ADCY8: variants seen among roughly 807,000 people sequenced by gnomAD.
The protein encoded by ADCY8 is adenylate cyclase 8.
In ADCY8, 51 loss-of-function variants were observed where a neutral mutation model predicts 119.7. That is an observed-to-expected ratio of 0.43 (90% CI 0.34 to 0.54). The LOEUF is 0.54. ADCY8 is among the 20% of genes least tolerant of loss of function. The probability of loss-of-function intolerance (pLI) is 0.03; values close to 1 mark genes in which losing one functional copy is unlikely to be tolerated. For synonymous variants in ADCY8, 665 were observed against 651.0 expected, an observed-to-expected ratio of 1.02 and a Z score of -0.33; for missense variants, 1,383 against 1,598.8, an observed-to-expected ratio of 0.87 and a Z score of 2.30.
At chr8:130,983,088 C>T (rs1379115667) in intron 2 of ADCY8, among the ~76,000 whole-genome samples, 1 of 152,076 alleles carries the variant, frequency 6.6e-6, no homozygotes, top group Non-Finnish European at 1.5e-5. Flanking sequence ...AGTTTCCTGG[C>T]AGGACATAGC....
chr8:130,913,114 T>C (rs1820028805), intron 5 of ADCY8, among the ~76,000 whole-genome samples: 2 of 152,178 alleles, frequency 1.3e-5, no homozygotes, highest in Admixed American at 6.5e-5. Context: ...TGAGGTGTTT[T>C]GAGGCATGCA....
chr8:130,848,771 C>G (rs1264722624), intron 10 of ADCY8, among the ~76,000 whole-genome samples: 2 of 152,178 alleles, frequency 1.3e-5, no homozygotes, highest in Non-Finnish European at 2.9e-5. Flanking sequence ...TCATGGACAA[C>G]ACAGACTACT....
intron 8 of ADCY8, among the ~76,000 whole-genome samples, chr8:130,874,434 T>C (rs1001687452): frequency 5.9e-5 from 9 of 152,226 alleles, no homozygotes; most frequent in African/African-American, 1.9e-4. Context: ...ATAGGCCATC[T>C]TCTCTATCTT....
At chr8:130,871,621 T>G (rs1818360574) in intron 8 of ADCY8, among the ~76,000 whole-genome samples, 1 of 152,212 alleles carries the variant, frequency 6.6e-6, no homozygotes, top group East Asian at 1.9e-4. Context: ...AAGCTTGCCT[T>G]TTCAATGGTG....
intron 1 of ADCY8, among the ~76,000 whole-genome samples, chr8:131,024,649 T>C (rs954398066): frequency 6.6e-6 from 1 of 152,252 alleles, no homozygotes; most frequent in African/African-American, 2.4e-5. Context: ...ATAGTCAAAG[T>C]ACACAATTGT....
intron 8 of ADCY8, among the ~76,000 whole-genome samples, chr8:130,870,194 A>G (rs1818301968): frequency 6.6e-6 from 1 of 151,744 alleles, no homozygotes; most frequent in African/African-American, 2.4e-5. Flanking sequence ...TTGTATTTTT[A>G]GTAGAGATGG....
At chr8:130,848,546 G>C (rs553962597) in intron 10 of ADCY8, among the ~76,000 whole-genome samples, 105 of 152,278 alleles carry the variant, frequency 6.9e-4, no homozygotes, top group Non-Finnish European at 1.4e-3. Context: ...GGCCAAATTG[G>C]ACAGTGATTT....
At chr8:130,938,352 G>A (rs929938669) in intron 4 of ADCY8, among the ~76,000 whole-genome samples, 2 of 152,120 alleles carry the variant, frequency 1.3e-5, no homozygotes, top group African/African-American at 4.8e-5. Flanking sequence ...AGGAAGAGTT[G>A]GACTCCAGGC....
At chr8:130,808,535 A>G (rs1816055176) in intron 14 of ADCY8, among the ~76,000 whole-genome samples, 1 of 152,204 alleles carries the variant, frequency 6.6e-6, no homozygotes, top group African/African-American at 2.4e-5. Flanking sequence ...GGGCATGAGG[A>G]AAATGAGGTC....
chr8:131,019,839 G>GTCTCTCTC (rs1563770617), intron 1 of ADCY8, among the ~76,000 whole-genome samples: 6 of 75,944 alleles, frequency 7.9e-5, no homozygotes, highest in Non-Finnish European at 1.0e-4. Flanking sequence ...CTCTCTCTCT[G>GTCTCTCTC]TCTGTCTCTC....
At chr8:131,025,479 T>C (rs1238606219) in intron 1 of ADCY8, among the ~76,000 whole-genome samples, 4 of 152,128 alleles carry the variant, frequency 2.6e-5, no homozygotes, top group Non-Finnish European at 4.4e-5. Context: ...TGTTCAGGCA[T>C]TTACTCAACA....
At chr8:130,985,961 T>C (rs1822390472) in intron 2 of ADCY8, among the ~76,000 whole-genome samples, 1 of 152,190 alleles carries the variant, frequency 6.6e-6, no homozygotes, top group South Asian at 2.1e-4. Flanking sequence ...CACCTCGAAA[T>C]GCCATGATTA....
At chr8:130,796,839 C>G (rs1327636967) in intron 15 of ADCY8, among the ~76,000 whole-genome samples, 2 of 151,112 alleles carry the variant, frequency 1.3e-5, no homozygotes, top group Non-Finnish European at 3.0e-5. Flanking sequence ...TCCCCTCCTC[C>G]CCATCTACTT....
chr8:130,897,753 T>C (rs367583553), intron 7 of ADCY8, among the ~76,000 whole-genome samples: 8 of 2,092 alleles, frequency 3.8e-3, no homozygotes, highest in Admixed American at 0.018. Context: ...AACATATACA[T>C]ACATACCACA....
intron 15 of ADCY8, among the ~76,000 whole-genome samples, chr8:130,788,996 G>T (rs1230749400): frequency 6.6e-6 from 1 of 152,124 alleles, no homozygotes; most frequent in Non-Finnish European, 1.5e-5. Flanking sequence ...ATAGAAAGCA[G>T]ATCAATAGTT....
chr8:130,861,256 T>A (rs1817919343), intron 9 of ADCY8, among the ~76,000 whole-genome samples: 1 of 152,228 alleles, frequency 6.6e-6, no homozygotes, highest in South Asian at 2.1e-4. Context: ...GAAGTTTTGA[T>A]TGACAATGCA....
At chr8:130,968,896 T>C (rs1050330128) in intron 2 of ADCY8, among the ~76,000 whole-genome samples, 1 of 152,146 alleles carries the variant, frequency 6.6e-6, no homozygotes, top group African/African-American at 2.4e-5. Context: ...TAGCCCCCTT[T>C]GGAAAAAATC....
In ADCY8 at chr8:130,878,481, C is replaced by T. The variant is rs369022215; in HGVS notation, c.2109+6083G>A. Among the ~76,000 whole-genome samples, 32 of 152,222 alleles carry T rather than the reference C, an allele frequency of 2.1e-4. No homozygotes were observed. In the East Asian group the frequency reaches 2.7e-3, roughly 13 times the overall value. On this transcript the variant is annotated intron_variant, in intron 8 of 17. Transcript: ENST00000286355. Reference sequence around the variant, plus strand: ...GCCATATTACCCTTGAGTTAGGACCCGGGGACTTTTTGATGTAAGCTGATC... The same window carrying T: ...GCCATATTACCCTTGAGTTAGGACCTGGGGACTTTTTGATGTAAGCTGATC...
chr8:130,915,967 G>C (rs1820114352), intron 5 of ADCY8, among the ~76,000 whole-genome samples: 1 of 152,186 alleles, frequency 6.6e-6, no homozygotes, highest in South Asian at 2.1e-4. Context: ...GGAAAGGCAA[G>C]GGAGTTAGTT....
Sources: allele counts gnomAD v4.1 joint callset (sites outside exome capture counted in the v4.1 genomes callset), GRCh38; gene constraint gnomAD v4.1.1; transcripts MANE v1.5; gene names NCBI Gene and HGNC (gene_info 2026-07-23, HGNC 2026-07-21).